The following LUZP2 variants were observed in gnomAD, a reference collection of about 807,000 sequenced individuals.
The protein encoded by LUZP2 is leucine zipper protein 2.
In LUZP2, 52 loss-of-function variants were observed where a neutral mutation model predicts 51.6. The ratio of observed to expected loss-of-function variants is 1.01; its 90% CI spans 0.81 to 1.27. The LOEUF (loss-of-function observed/expected upper bound fraction) is 1.27, where lower values mean the gene tolerates loss of function less well. LUZP2 is among the 50% of genes most tolerant of loss of function. The pLI, the probability that LUZP2 is intolerant of heterozygous loss-of-function variation, is 0.00. For missense variants in LUZP2, 436 were observed against 395.4 expected, an observed-to-expected ratio of 1.10 and a Z score of -0.87; for synonymous variants, 154 against 137.3, an observed-to-expected ratio of 1.12 and a Z score of -0.85.
intron 1 of LUZP2, among the ~76,000 whole-genome samples, chr11:24,631,987 T>C (rs946277729): frequency 6.6e-6 from 1 of 152,068 alleles, no homozygotes; most frequent in Admixed American, 6.6e-5. Context: ...TTTCTGGCAT[T>C]GGAAGTGACC....
At chr11:24,826,221 T>A (rs2134168749) in intron 5 of LUZP2, among the ~76,000 whole-genome samples, 1 of 136,718 alleles carries the variant, frequency 7.3e-6, no homozygotes, top group South Asian at 2.3e-4. Flanking sequence ...TAAAAGTTAA[T>A]TTCAGGGAAC....
At chr11:24,508,580 G>T (rs1393984814) in intron 1 of LUZP2, among the ~76,000 whole-genome samples, 2 of 151,974 alleles carry the variant, frequency 1.3e-5, no homozygotes, top group Admixed American at 1.3e-4. Context: ...TTAATTGTGG[G>T]GCTTAGGAAC....
intron 9 of LUZP2, among the ~76,000 whole-genome samples, chr11:24,990,893 C>G (rs1856314379): frequency 6.6e-6 from 1 of 151,976 alleles, no homozygotes; most frequent in Non-Finnish European, 1.5e-5. Context: ...GGGTTCATCT[C>G]AAATGTCAAC....
chr11:24,686,734 C>T (rs556699875), intron 1 of LUZP2, among the ~76,000 whole-genome samples: 2 of 152,196 alleles, frequency 1.3e-5, no homozygotes, highest in African/African-American at 2.4e-5. Context: ...ATGAGAACAG[C>T]GATTTCCAAA....
At chr11:24,831,922 A>T (rs528865833) in intron 5 of LUZP2, 1 of 152,704 alleles carries the variant, frequency 6.5e-6, no homozygotes, top group Admixed American at 6.5e-5. Flanking sequence ...GAAGAGACCA[A>T]GAGATCTCCA....
intron 7 of LUZP2, among the ~76,000 whole-genome samples, chr11:24,934,996 CT>C (rs1204452858): frequency 6.6e-6 from 1 of 152,066 alleles, no homozygotes; most frequent in African/African-American, 2.4e-5. Flanking sequence ...TGAAAAAAAG[CT>C]TTGTAGAGCA....
At chr11:24,973,748 G>A (rs764062058) in intron 7 of LUZP2, among the ~76,000 whole-genome samples, 8 of 152,002 alleles carry the variant, frequency 5.3e-5, no homozygotes, top group Non-Finnish European at 1.0e-4. Flanking sequence ...GGTTTTGAGT[G>A]AATTTCTTAG....
Position 24,602,101 on chromosome 11 carries a change from T to C in LUZP2, c.62+104796T>C, listed in dbSNP as rs186037897. The stretch of plus-strand genomic sequence containing the variant: ...ATATATGTGTATATATGTATATATG[T>C]GTATATGTGTATATATGTATATATG... On this transcript the variant is annotated intron_variant, in intron 1 of 11. Coordinates refer to ENST00000336930, the MANE Select transcript of LUZP2 (RefSeq NM_001009909.4). Among the ~76,000 whole-genome samples the C allele has an allele frequency of 2.8e-4, 37 of 130,286 alleles. No homozygotes were observed. In the East Asian group the frequency reaches 5.9e-3, roughly 21 times the overall value. The allele number at this position is 130,286 out of a possible 152,430, so 85.5% of individuals were successfully genotyped here. A position where few individuals can be genotyped will look rare whatever the true frequency, so the allele number is the denominator to read the frequency against.
chr11:24,561,753 A>G (rs1213399823), intron 1 of LUZP2, among the ~76,000 whole-genome samples: 1 of 151,932 alleles, frequency 6.6e-6, no homozygotes, highest in Non-Finnish European at 1.5e-5. Context: ...GCAAACCACC[A>G]TGGCACATGT....
chr11:24,962,134 C>T (rs1446343463), intron 7 of LUZP2, among the ~76,000 whole-genome samples: 1 of 152,098 alleles, frequency 6.6e-6, no homozygotes, highest in African/African-American at 2.4e-5. Flanking sequence ...GTCTGATGGG[C>T]TTCCCTTTGT....
Position 24,602,387 on chromosome 11 carries a change from T to TATACAC in LUZP2, c.62+105083_62+105084insTACACA, listed in dbSNP as rs377367310. Among the ~76,000 whole-genome samples the TATACAC allele has an allele frequency of 5.6e-4, 72 of 129,530 alleles. 2 individuals carry two copies. The East Asian group carries it at 7.0e-3, about 13-fold the overall frequency. 85.0% of individuals were successfully genotyped at this position (129,530 alleles called of 152,430 possible). A position where few individuals can be genotyped will look rare whatever the true frequency, so the allele number is the denominator to read the frequency against. On this transcript the variant is annotated intron_variant, in intron 1 of 11. Coordinates refer to ENST00000336930, the MANE Select transcript of LUZP2 (RefSeq NM_001009909.4). ...AAGTGTGTGTGTGTATATATATATATACACACACACACACACACACACACA... is the reference window on the plus strand; with the variant it reads ...AAGTGTGTGTGTGTATATATATATATATACACACACACACACACACACACACACACA...
At chr11:24,706,047 GA>G (rs1293365060) in intron 1 of LUZP2, among the ~76,000 whole-genome samples, 1 of 152,046 alleles carries the variant, frequency 6.6e-6, no homozygotes, top group Non-Finnish European at 1.5e-5. Flanking sequence ...TGAGGGCAAT[GA>G]AAAAATTTTC....
intron 4 of LUZP2, among the ~76,000 whole-genome samples, chr11:24,753,068 G>A (rs935333916): frequency 1.3e-5 from 2 of 151,738 alleles, no homozygotes; most frequent in South Asian, 2.1e-4. Flanking sequence ...CTATATACTC[G>A]CAAACAAAAT....
intron 1 of LUZP2, among the ~76,000 whole-genome samples, chr11:24,631,635 T>C (rs1854893020): frequency 6.6e-6 from 1 of 151,992 alleles, no homozygotes; most frequent in African/African-American, 2.4e-5. Context: ...CACCTGTGTT[T>C]ATCAGGGATA....
intron 5 of LUZP2, chr11:24,891,909 G>T: frequency 1.0e-6 from 1 of 985,614 alleles, no homozygotes; most frequent in Non-Finnish European, 1.2e-6. Flanking sequence ...TACTAAGGGA[G>T]AATTTATAAT....
At chr11:24,807,176 C>T (rs1292744510) in intron 5 of LUZP2, among the ~76,000 whole-genome samples, 1 of 152,008 alleles carries the variant, frequency 6.6e-6, no homozygotes, top group East Asian at 1.9e-4. Context: ...CAGGTTAAGG[C>T]CGGGTGCAGT....
intron 9 of LUZP2, among the ~76,000 whole-genome samples, chr11:25,012,976 T>C (rs1309021899): frequency 6.6e-6 from 1 of 152,146 alleles, no homozygotes; most frequent in East Asian, 1.9e-4. Flanking sequence ...AACCTAAGTG[T>C]CCATCAATGG....
At chr11:24,845,569 C>G (rs1365134710) in intron 5 of LUZP2, among the ~76,000 whole-genome samples, 1 of 151,918 alleles carries the variant, frequency 6.6e-6, no homozygotes, top group East Asian at 1.9e-4. Flanking sequence ...TGGCTGTGTC[C>G]CCACCCAAAT....
At chr11:24,521,857 T>TTTTTAG (rs1382862767) in intron 1 of LUZP2, among the ~76,000 whole-genome samples, 1 of 152,078 alleles carries the variant, frequency 6.6e-6, no homozygotes, top group Non-Finnish European at 1.5e-5. Context: ...ATAACACATG[T>TTTTTAG]TTATGGAGGA....
Sources: allele counts gnomAD v4.1 joint callset (sites outside exome capture counted in the v4.1 genomes callset), GRCh38; gene constraint gnomAD v4.1.1; transcripts MANE v1.5; gene names NCBI Gene and HGNC (gene_info 2026-07-23, HGNC 2026-07-21).